KCNJ15: variants seen among roughly 807,000 people sequenced by gnomAD.
KCNJ15 encodes ATP-sensitive inward rectifier potassium channel 15.
Under a neutral mutation model 23.0 loss-of-function variants are expected in KCNJ15, and 14 were observed. That is an observed-to-expected ratio of 0.61 (90% CI 0.40 to 0.95). The LOEUF (loss-of-function observed/expected upper bound fraction) is 0.95, where lower values mean the gene tolerates loss of function less well. Ranked by LOEUF, KCNJ15 falls within the 40% of genes least tolerant of loss-of-function variation. The pLI, the probability that KCNJ15 is intolerant of heterozygous loss-of-function variation, is 0.00. For synonymous variants in KCNJ15, 185 were observed against 183.2 expected (o/e 1.01, Z -0.08); for missense variants, 388 against 461.8 (o/e 0.84, Z 1.46).
chr21:38,284,711 G>C (rs1471051692), intron 1 of KCNJ15, among the ~76,000 whole-genome samples: 1 of 152,166 alleles, frequency 6.6e-6, no homozygotes, highest in Non-Finnish European at 1.5e-5. Flanking sequence ...AGCCCACAAA[G>C]CCACATGCAG....
intron 1 of KCNJ15, among the ~76,000 whole-genome samples, chr21:38,288,369 C>T (rs1482268238): frequency 7.2e-5 from 11 of 151,942 alleles, no homozygotes; most frequent in South Asian, 2.1e-4. Context: ...AAGCACAAGT[C>T]GTAATTTCCA....
intron 1 of KCNJ15, among the ~76,000 whole-genome samples, chr21:38,234,971 CT>C (rs1222815859): frequency 9.9e-5 from 15 of 152,176 alleles, no homozygotes; most frequent in African/African-American, 3.6e-4. Context: ...TGCTAGATCA[CT>C]TTCTCCATGC....
rs1166350392 is a variant in KCNJ15 at position 38,301,795 on chromosome 21, T to C, written c.*1406T>C. On this transcript the variant is annotated 3_prime_UTR_variant, in exon 3 of 3. Coordinates refer to ENST00000398938, the MANE Select transcript of KCNJ15 (RefSeq NM_170736.3). ...CCCTGCATTCCTTTGAGGCAAAAAA[T>C]AAATGGGCTATGACTGGTTAAATGT... The C allele has an allele frequency of 1.2e-5, 2 of 166,980 alleles. No homozygotes were observed. Among genetic ancestry groups the C allele is most frequent in the African/African-American group, 4.8e-5 (2 of 41,416 alleles). The allele number at this position is 166,980 out of a possible 1,614,324, so 10.3% of individuals were successfully genotyped here. A position where few individuals can be genotyped will look rare whatever the true frequency, so the allele number is the denominator to read the frequency against.
intron 1 of KCNJ15, among the ~76,000 whole-genome samples, chr21:38,240,367 G>C (rs1978911578): frequency 6.6e-6 from 1 of 152,182 alleles, no homozygotes; most frequent in Non-Finnish European, 1.5e-5. Context: ...ATTGGAAATG[G>C]TTAAAAAGTA....
intron 1 of KCNJ15, among the ~76,000 whole-genome samples, chr21:38,230,114 A>G (rs1039806246): frequency 1.3e-5 from 2 of 152,094 alleles, no homozygotes; most frequent in Non-Finnish European, 2.9e-5. Flanking sequence ...GAAATTGCCA[A>G]AATTTTTCTT....
chr21:38,290,095 C>A (rs149743856), intron 1 of KCNJ15, among the ~76,000 whole-genome samples: 1 of 152,338 alleles, frequency 6.6e-6, no homozygotes, highest in African/African-American at 2.4e-5. Context: ...TTAGCCAGCT[C>A]TCTCACAAAT....
chr21:38,276,982 G>A (rs1038715027), intron 1 of KCNJ15, among the ~76,000 whole-genome samples: 2 of 151,340 alleles, frequency 1.3e-5, no homozygotes, highest in Non-Finnish European at 2.9e-5. Context: ...CCCACCTTCT[G>A]GTAATTGACA....
At chr21:38,231,616 G>A (rs1316213035) in intron 1 of KCNJ15, among the ~76,000 whole-genome samples, 1 of 151,378 alleles carries the variant, frequency 6.6e-6, no homozygotes, top group Non-Finnish European at 1.5e-5. Context: ...CCTTCATCAA[G>A]CTGAAGAAGT....
At chr21:38,295,005 A>G (rs960242131) in intron 1 of KCNJ15, among the ~76,000 whole-genome samples, 2 of 152,250 alleles carry the variant, frequency 1.3e-5, no homozygotes, top group African/African-American at 4.8e-5. Context: ...ATTTCCAGAA[A>G]TTAAAGAAAA....
intron 1 of KCNJ15, chr21:38,237,202 A>G (rs1424629022): frequency 2.0e-5 from 3 of 152,274 alleles, no homozygotes; most frequent in East Asian, 3.8e-4. Flanking sequence ...ATGATACCAT[A>G]TATGAATCCA....
intron 1 of KCNJ15, among the ~76,000 whole-genome samples, chr21:38,280,832 C>T (rs1322524916): frequency 6.6e-6 from 1 of 152,148 alleles, no homozygotes; most frequent in Non-Finnish European, 1.5e-5. Flanking sequence ...AAGCCAGCCT[C>T]AATTAAGCCC....
At chr21:38,284,731 A>G (rs1983708636) in intron 1 of KCNJ15, among the ~76,000 whole-genome samples, 1 of 152,158 alleles carries the variant, frequency 6.6e-6, no homozygotes, top group Non-Finnish European at 1.5e-5. Flanking sequence ...GGGGCATGGC[A>G]TGGCTCTGCC....
At chr21:38,238,697 A>C (rs1160188535) in intron 1 of KCNJ15, 1 of 453,484 alleles carries the variant, frequency 2.2e-6, no homozygotes. Context: ...TCTAGGAGGA[A>C]TGTCCTCTGA....
intron 1 of KCNJ15, among the ~76,000 whole-genome samples, chr21:38,243,231 A>G (rs1488242520): frequency 1.3e-5 from 2 of 152,134 alleles, no homozygotes; most frequent in African/African-American, 4.8e-5. Flanking sequence ...GGATTATTAA[A>G]GATGCATCTG....
intron 1 of KCNJ15, among the ~76,000 whole-genome samples, chr21:38,243,265 C>G (rs1316835998): frequency 6.6e-6 from 1 of 151,936 alleles, no homozygotes; most frequent in Admixed American, 6.6e-5. Context: ...ATTCACAGGA[C>G]AACACTTACA....
chr21:38,272,482 T>TC (rs1231716341), intron 1 of KCNJ15: 4 of 152,294 alleles, frequency 2.6e-5, no homozygotes, highest in Middle Eastern at 6.7e-3. Flanking sequence ...CTGAGTCAGT[T>TC]CCCCAGATCT....
chr21:38,250,726 T>A (rs1568986623), intron 1 of KCNJ15, among the ~76,000 whole-genome samples: 1 of 152,212 alleles, frequency 6.6e-6, no homozygotes, highest in African/African-American at 2.4e-5. Flanking sequence ...AAATGTGTGA[T>A]TGATCATCAG....
At chr21:38,294,821 A>C (rs964111229) in intron 1 of KCNJ15, among the ~76,000 whole-genome samples, 4 of 152,182 alleles carry the variant, frequency 2.6e-5, no homozygotes, top group Non-Finnish European at 4.4e-5. Flanking sequence ...CAGCATAAGC[A>C]CTCAGTGACC....
intron 1 of KCNJ15, among the ~76,000 whole-genome samples, chr21:38,268,436 A>T (rs74373250): frequency 1.6e-3 from 12 of 7,550 alleles, no homozygotes; most frequent in Middle Eastern, 0.031. Flanking sequence ...TGGATTTTTT[A>T]AAAAAAATAT....
Sources: allele counts gnomAD v4.1 joint callset (sites outside exome capture counted in the v4.1 genomes callset), GRCh38; gene constraint gnomAD v4.1.1; transcripts MANE v1.5; gene names NCBI Gene and HGNC (gene_info 2026-07-23, HGNC 2026-07-21).